The following ADAM10 variants were observed in gnomAD, a reference collection of about 807,000 sequenced individuals.
ADAM10 encodes the protein disintegrin and metalloproteinase domain-containing protein 10.
In ADAM10, 17 loss-of-function variants were observed where a neutral mutation model predicts 90.1. That is an observed-to-expected ratio of 0.19 (90% CI 0.13 to 0.28). ADAM10 has a LOEUF of 0.28. ADAM10 is among the 10% of genes least tolerant of loss of function. ADAM10 has a pLI of 1.00. For synonymous variants in ADAM10, 310 were observed against 298.6 expected (o/e 1.04, Z -0.40); for missense variants, 610 against 914.3 (o/e 0.67, Z 4.29).
In ADAM10 at chr15:58,620,958, G is replaced by A. The variant is rs1307463083; in HGVS notation, c.1511+513C>T. ...GCTGGGATTACAGGCGTGAGCCACC[G>A]CGCCCGGCCAAGAATATGTATTTTT... On this transcript the variant is annotated intron_variant, in intron 11 of 15. Transcript: ENST00000260408. 4.8e-5 allele frequency among the ~76,000 whole-genome samples: 2 copies of A among 41,254 alleles called. 1 individual carries two copies. Among genetic ancestry groups the A allele is most frequent in the Non-Finnish European group, 6.9e-5 (2 of 28,898 alleles). The allele number at this position is 41,254 out of a possible 152,430, so 27.1% of individuals were successfully genotyped here.
At chr15:58,731,700 C>T (rs1160359344) in intron 1 of ADAM10, among the ~76,000 whole-genome samples, 3 of 152,108 alleles carry the variant, frequency 2.0e-5, no homozygotes, top group African/African-American at 7.2e-5. Flanking sequence ...AACAAGCACC[C>T]TGAGGTGACC....
intron 6 of ADAM10, among the ~76,000 whole-genome samples, chr15:58,644,629 G>A (rs1358328214): frequency 2.0e-5 from 3 of 152,256 alleles, no homozygotes; most frequent in African/African-American, 7.2e-5. Context: ...CCTATGCGTA[G>A]AGTATCCTTC....
intron 2 of ADAM10, among the ~76,000 whole-genome samples, chr15:58,684,961 T>C (rs908955225): frequency 4.6e-5 from 7 of 152,174 alleles, no homozygotes; most frequent in Non-Finnish European, 7.3e-5. Flanking sequence ...TTGCTGGTGT[T>C]GGAAAATAGC....
chr15:58,740,558 T>C (rs371428476), intron 1 of ADAM10, among the ~76,000 whole-genome samples: 1 of 152,328 alleles, frequency 6.6e-6, no homozygotes, highest in East Asian at 1.9e-4. Flanking sequence ...CTTTACATTT[T>C]TCTTGTATTT....
At chr15:58,607,993 A>G (rs781695892) in intron 14 of ADAM10, among the ~76,000 whole-genome samples, 34 of 152,248 alleles carry the variant, frequency 2.2e-4, no homozygotes, top group Non-Finnish European at 4.0e-4. Flanking sequence ...TTCAAGAACT[A>G]GATGACTCTT....
chr15:58,720,179 G>A (rs1268530504), intron 1 of ADAM10, among the ~76,000 whole-genome samples: 1 of 152,114 alleles, frequency 6.6e-6, no homozygotes, highest in Non-Finnish European at 1.5e-5. Flanking sequence ...CATGCAAAAT[G>A]CTTACGAGCA....
At chr15:58,656,217 T>C (rs1896826176) in intron 5 of ADAM10, among the ~76,000 whole-genome samples, 2 of 152,194 alleles carry the variant, frequency 1.3e-5, no homozygotes, top group South Asian at 2.1e-4. Flanking sequence ...GTAAAATGTG[T>C]TTCTTGTATG....
In ADAM10 at chr15:58,637,992, A is replaced by G. The variant is rs1434109844; in HGVS notation, c.1012+2785T>C. On this transcript the variant is annotated intron_variant, in intron 8 of 15. Transcript: ENST00000260408. ...AGTTCAGCTAGTAGTAAGTGCAAAGACAAGTGAAGAAGCTGGCAGTGTTAT... is the reference window on the plus strand; with the variant it reads ...AGTTCAGCTAGTAGTAAGTGCAAAGGCAAGTGAAGAAGCTGGCAGTGTTAT... 1.5e-4 allele frequency among the ~76,000 whole-genome samples: 23 copies of G among 152,208 alleles called. 1 individual carries two copies. The highest frequency in any genetic ancestry group is 1.5e-5 in the Non-Finnish European group (1 of 68,036).
At chr15:58,743,656 G>A (rs1278613252) in intron 1 of ADAM10, among the ~76,000 whole-genome samples, 2 of 147,338 alleles carry the variant, frequency 1.4e-5, no homozygotes. Flanking sequence ...CCAGGCTAGA[G>A]TGCAGTGGTG....
chr15:58,701,881 G>C (rs767389072), intron 2 of ADAM10, among the ~76,000 whole-genome samples: 1 of 152,066 alleles, frequency 6.6e-6, no homozygotes, highest in Non-Finnish European at 1.5e-5. Flanking sequence ...CGAGGTGGGC[G>C]GATCTCTCAA....
chr15:58,725,222 A>C (rs1233022353), intron 1 of ADAM10, among the ~76,000 whole-genome samples: 1 of 152,072 alleles, frequency 6.6e-6, no homozygotes, highest in East Asian at 1.9e-4. Context: ...AATCGTATTT[A>C]TTATATGAAT....
chr15:58,617,259 T>C (rs1895643181), intron 11 of ADAM10, among the ~76,000 whole-genome samples: 1 of 152,012 alleles, frequency 6.6e-6, no homozygotes, highest in South Asian at 2.1e-4. Context: ...TTATAACTGA[T>C]ACCACAAAAA....
At chr15:58,651,734 T>A (rs967064194) in intron 5 of ADAM10, among the ~76,000 whole-genome samples, 1 of 152,162 alleles carries the variant, frequency 6.6e-6, no homozygotes, top group Non-Finnish European at 1.5e-5. Context: ...AGTGCAGCTA[T>A]CTCTATGATG....
chr15:58,728,716 A>T (rs1431000218), intron 1 of ADAM10, among the ~76,000 whole-genome samples: 1 of 152,166 alleles, frequency 6.6e-6, no homozygotes, highest in African/African-American at 2.4e-5. Flanking sequence ...AAGTTACAAA[A>T]TTTTTTAAAA....
intron 1 of ADAM10, among the ~76,000 whole-genome samples, chr15:58,745,277 A>C (rs1595675249): frequency 6.6e-6 from 1 of 152,324 alleles, no homozygotes; most frequent in African/African-American, 2.4e-5. Context: ...AATGTAGCTA[A>C]TTGCTGAAGT....
chr15:58,729,260 G>C (rs1899144398), intron 1 of ADAM10, among the ~76,000 whole-genome samples: 1 of 152,198 alleles, frequency 6.6e-6, no homozygotes. Context: ...CAACTAACAA[G>C]TTCTTTCAAC....
At chr15:58,742,670 G>T (rs1030269800) in intron 1 of ADAM10, among the ~76,000 whole-genome samples, 1 of 152,164 alleles carries the variant, frequency 6.6e-6, no homozygotes, top group Non-Finnish European at 1.5e-5. Flanking sequence ...AATCCAAGTG[G>T]TAGGGTTATT....
chr15:58,668,091 T>C (rs1245583377), intron 4 of ADAM10, among the ~76,000 whole-genome samples: 1 of 152,162 alleles, frequency 6.6e-6, no homozygotes, highest in African/African-American at 2.4e-5. Flanking sequence ...GGGTTACTAT[T>C]GGCAGCCAAA....
intron 1 of ADAM10, chr15:58,747,901 TCTTA>T (rs1899842499): frequency 6.6e-6 from 1 of 152,222 alleles, no homozygotes; most frequent in African/African-American, 2.4e-5. Context: ...CATGTGTTTG[TCTTA>T]CTTTTTATTA....
Sources: gnomAD v4.1 joint callset for allele counts (sites outside exome capture counted in the v4.1 genomes callset) on GRCh38, gnomAD v4.1.1 for gene constraint, MANE v1.5 for transcripts, NCBI Gene and HGNC (gene_info 2026-07-23, HGNC 2026-07-21) for gene names.